Variants in ZNF33A observed in about 807,000 individuals in gnomAD.
The protein encoded by ZNF33A is zinc finger protein 33A, also known as brain my041 protein.
Under a neutral mutation model 15.9 loss-of-function variants are expected in ZNF33A, and 9 were observed. That is an observed-to-expected ratio of 0.57 (90% CI 0.34 to 0.99). The LOEUF is 0.99. ZNF33A is among the 50% of genes least tolerant of loss of function. The pLI is 0.02. For missense variants in ZNF33A, 843 were observed against 941.6 expected (o/e 0.90, Z 1.37); for synonymous variants, 294 against 324.2 (o/e 0.91, Z 1.00).
intron 4 of ZNF33A, among the ~76,000 whole-genome samples, chr10:38,040,468 T>C (rs1243782225): frequency 1.3e-5 from 2 of 152,210 alleles, no homozygotes; most frequent in Non-Finnish European, 2.9e-5. Context: ...CTACACATAC[T>C]TTGAGGCTCT....
intron 4 of ZNF33A, among the ~76,000 whole-genome samples, chr10:38,042,761 T>A (rs2065765036): frequency 1.3e-5 from 2 of 152,030 alleles, no homozygotes; most frequent in African/African-American, 4.8e-5. Flanking sequence ...ATATGTTGCC[T>A]AAGCTGATCT....
Position 38,056,572 on chromosome 10 carries a change from C to T in ZNF33A, c.*12C>T, listed in dbSNP as rs2066497464. 6.5e-7 allele frequency: 1 copy of T among 1,547,910 alleles called. No individual in the cohort carries two copies. Among genetic ancestry groups the T allele is most frequent in the Non-Finnish European group, 8.7e-7 (1 of 1,151,420 alleles). ...TGAATGTTCAGTAACTATCCACAAA[C>T]TCACCTTATGTTACTCCAAAGTAAT... On this transcript the variant is annotated 3_prime_UTR_variant, in exon 5 of 5. Coordinates refer to ENST00000432900, the MANE Select transcript of ZNF33A (RefSeq NM_006954.2).
chr10:38,031,243 C>G (rs546627437), intron 4 of ZNF33A, among the ~76,000 whole-genome samples: 2 of 152,200 alleles, frequency 1.3e-5, no homozygotes, highest in South Asian at 2.1e-4. Flanking sequence ...ATAGAATCTT[C>G]TCATTATTTC....
chr10:38,017,940 C>T (rs2064540882), intron 4 of ZNF33A, among the ~76,000 whole-genome samples: 1 of 152,024 alleles, frequency 6.6e-6, no homozygotes, highest in Admixed American at 6.6e-5. Flanking sequence ...ACTAAAAATA[C>T]TAAATTAGCT....
At chr10:38,027,513 A>G (rs2065037577) in intron 4 of ZNF33A, among the ~76,000 whole-genome samples, 1 of 149,622 alleles carries the variant, frequency 6.7e-6, no homozygotes, top group African/African-American at 2.5e-5. Context: ...CATGCCCACT[A>G]TGCCCAGCTA....
intron 4 of ZNF33A, among the ~76,000 whole-genome samples, chr10:38,053,414 C>A (rs1276912357): frequency 6.6e-6 from 1 of 152,048 alleles, no homozygotes; most frequent in Non-Finnish European, 1.5e-5. Flanking sequence ...TTTCCAGTAT[C>A]CTCTTCTTCT....
chr10:38,033,727 T>G (rs622383), intron 4 of ZNF33A, among the ~76,000 whole-genome samples: 118,427 of 146,380 alleles, frequency 0.81, 48,107 homozygotes, highest in South Asian at 0.92. Context: ...TTTTTTTTCT[T>G]TTTGAGATGG....
intron 4 of ZNF33A, among the ~76,000 whole-genome samples, chr10:38,027,602 C>G (rs920677499): frequency 6.6e-6 from 1 of 151,932 alleles, no homozygotes; most frequent in African/African-American, 2.4e-5. Flanking sequence ...CCACCTTGGC[C>G]TCCCAAACCT....
intron 4 of ZNF33A, among the ~76,000 whole-genome samples, chr10:38,025,344 C>T (rs2064937234): frequency 1.3e-5 from 2 of 152,164 alleles, no homozygotes; most frequent in Admixed American, 1.3e-4. Flanking sequence ...TCATGTCTCC[C>T]CAGAATTCAT....
chr10:38,026,121 T>A (rs1382940046), intron 4 of ZNF33A, among the ~76,000 whole-genome samples: 2 of 152,224 alleles, frequency 1.3e-5, no homozygotes, highest in Non-Finnish European at 2.9e-5. Context: ...TTCTGGCTGT[T>A]TAATCCATTC....
chr10:38,022,134 G>A (rs2064773034), intron 4 of ZNF33A, among the ~76,000 whole-genome samples: 1 of 151,940 alleles, frequency 6.6e-6, no homozygotes, highest in Admixed American at 6.6e-5. Flanking sequence ...AAATAACACT[G>A]GAAGCAGAAA....
downstream of ZNF33A, among the ~76,000 whole-genome samples, chr10:38,063,923 C>T (rs2066684825): frequency 6.6e-6 from 1 of 152,164 alleles, no homozygotes; most frequent in South Asian, 2.1e-4. Context: ...TGCTTTGGCT[C>T]CTTAGGATTC....
In ZNF33A at chr10:38,057,099, G is replaced by T. The variant is rs2066515389; in HGVS notation, c.*539G>T. 3.3e-5 allele frequency: 23 copies of T among 693,280 alleles called. 1 individual carries two copies. The South Asian group carries it at 1.4e-3, about 44-fold the overall frequency. The allele number at this position is 693,280 out of a possible 1,614,324, so 42.9% of individuals were successfully genotyped here. ...AGAGACTTAGTCAGATTTTACTATG[G>T]TTTGCATGCACTCTGTGTGTGTGTG... On this transcript the variant is annotated 3_prime_UTR_variant, in exon 5 of 5. Coordinates refer to ENST00000432900, the MANE Select transcript of ZNF33A (RefSeq NM_006954.2).
At chr10:38,053,992 G>T (rs983701138) in intron 4 of ZNF33A, among the ~76,000 whole-genome samples, 11 of 152,150 alleles carry the variant, frequency 7.2e-5, no homozygotes, top group African/African-American at 2.7e-4. Context: ...CCATCTCCTA[G>T]TTATGTTAAA....
At chr10:38,021,455 A>T in intron 4 of ZNF33A, among the ~76,000 whole-genome samples, 1 of 15,682 alleles carries the variant, frequency 6.4e-5, no homozygotes, top group South Asian at 3.2e-3. Context: ...AGCCTGGATA[A>T]CATGGTGAAA....
intron 4 of ZNF33A, among the ~76,000 whole-genome samples, chr10:38,035,591 A>G (rs2135662994): frequency 6.6e-6 from 1 of 152,340 alleles, no homozygotes; most frequent in East Asian, 1.9e-4. Flanking sequence ...AATTAAGGTC[A>G]GGACTTCCTC....
Position 38,010,747 on chromosome 10 carries a change from C to G in ZNF33A, c.-81C>G, listed in dbSNP as rs773415649. The G allele has an allele frequency of 1.2e-5, 19 of 1,598,356 alleles. No homozygotes were observed. Among genetic ancestry groups the G allele is most frequent in the Non-Finnish European group, 1.6e-5 (19 of 1,179,828 alleles). On this transcript the variant is annotated 5_prime_UTR_variant, in exon 1 of 5. Coordinates refer to ENST00000432900, the MANE Select transcript of ZNF33A (RefSeq NM_006954.2). ...TCCCGGGATTTCAAGGGTCTACGCGCTTTTCTATGGCGAATGCAACCCGAC... is the reference window on the plus strand; with the variant it reads ...TCCCGGGATTTCAAGGGTCTACGCGGTTTTCTATGGCGAATGCAACCCGAC...
intron 4 of ZNF33A, among the ~76,000 whole-genome samples, chr10:38,029,599 A>G (rs1235201030): frequency 2.0e-5 from 3 of 152,112 alleles, no homozygotes; most frequent in South Asian, 2.1e-4. Flanking sequence ...GACAGTTTGG[A>G]GCTGTGTACT....
downstream of ZNF33A, among the ~76,000 whole-genome samples, chr10:38,061,396 C>G (rs1590735556): frequency 6.6e-6 from 1 of 152,262 alleles, no homozygotes; most frequent in East Asian, 1.9e-4. Context: ...GAAAAGGATA[C>G]CAGTTCTCCC....
Sources: gnomAD v4.1 joint callset for allele counts (sites outside exome capture counted in the v4.1 genomes callset) on GRCh38, gnomAD v4.1.1 for gene constraint, MANE v1.5 for transcripts, NCBI Gene and HGNC (gene_info 2026-07-23, HGNC 2026-07-21) for gene names.